PRX: variants seen among roughly 807,000 people sequenced by gnomAD.
PRX encodes periaxin.
Under a neutral mutation model 29.6 loss-of-function variants are expected in PRX, and 24 were observed. The ratio of observed to expected loss-of-function variants is 0.81; its 90% CI spans 0.59 to 1.14. The LOEUF is 1.14. PRX is among the 50% of genes most tolerant of loss of function. The pLI is 0.00. For synonymous variants in PRX, 772 were observed against 831.7 expected (o/e 0.93, Z 1.24); for missense variants, 1,838 against 1,926.4 (o/e 0.95, Z 0.86).
Position 40,395,841 on chromosome 19 carries a change from C to T in PRX, c.2511G>A (p.Leu837=). 1 of 1,614,216 alleles carries T rather than the reference C, an allele frequency of 6.2e-7. No homozygotes were observed. Among genetic ancestry groups the T allele is most frequent in the Non-Finnish European group, 8.5e-7 (1 of 1,180,042 alleles). ...VSGKLVTLPC[L]QPEVDGEAHV... ...GAGCCTCACCATCCACCTCTGGCTG[C>T]AGACAGGGAAGTGTTACCAGCTTCC... Residue 837 remains leucine, a synonymous_variant, in exon 7 of 7, where the codon CTG becomes CTA. Coordinates refer to ENST00000324001, the MANE Select transcript of PRX (RefSeq NM_181882.3).
chr19:40,394,013 C>T lies in PRX; in HGVS notation c.4339G>A (p.Ala1447Thr), dbSNP rs2145724477. 6.2e-7 allele frequency: 1 copy of T among 1,613,588 alleles called. No homozygotes were observed. The highest frequency in any genetic ancestry group is 2.2e-5 in the East Asian group (1 of 44,878). The change falls in exon 7 of 7, where the codon GCT (alanine) becomes ACT (threonine). Residue 1447 changes from alanine to threonine, a missense_variant. Transcript: ENST00000324001. The surrounding 1 kb of genome is among the most constrained non-coding windows in gnomAD (Gnocchi z 5.8). ...LPSVGFSETG[A>T]PGPARMEGAQ... Reference sequence around the variant, plus strand: ...CCCTCCATCCTGGCCGGGCCTGGAGCCCCTGTCTCTGAAAACCCCACGCTG... The same window carrying T: ...CCCTCCATCCTGGCCGGGCCTGGAGTCCCTGTCTCTGAAAACCCCACGCTG...
chr19:40,408,227 G>A lies in PRX; in HGVS notation c.-169C>T. 1 of 553,748 alleles carries A rather than the reference G, an allele frequency of 1.8e-6. No individual in the cohort carries two copies. The highest frequency in any genetic ancestry group is 4.9e-4 in the Middle Eastern group (1 of 2,046). 34.3% of individuals were successfully genotyped at this position (553,748 alleles called of 1,614,324 possible). A position where few individuals can be genotyped will look rare whatever the true frequency, so the allele number is the denominator to read the frequency against. On this transcript the variant is annotated 5_prime_UTR_variant, in exon 3 of 7. Coordinates refer to ENST00000324001, the MANE Select transcript of PRX (RefSeq NM_181882.3). ...GAGGTGCCGCACAGCTGTCTGCAGGGCTCACGCCCTTCCGTGGGGTTCTTG... is the reference window on the plus strand; with the variant it reads ...GAGGTGCCGCACAGCTGTCTGCAGGACTCACGCCCTTCCGTGGGGTTCTTG...
rs756887163 is a variant in PRX at position 40,394,200 on chromosome 19, C to T, written c.4152G>A (p.Ala1384=). The change falls in exon 7 of 7, where the codon GCG becomes GCA. Residue 1384 remains alanine (A), a synonymous_variant. Transcript: ENST00000324001. The surrounding 1 kb of genome is among the most constrained non-coding windows in gnomAD (Gnocchi z 5.8). ...VRVRLPRVGL[A]APSKASRGQE... ...GCCCCCGAGAGGCTTTAGAAGGGGC[C>T]GCCAGGCCTACACGTGGCAAGCGGA... 39 of 1,591,022 alleles carry T rather than the reference C, an allele frequency of 2.5e-5. No individual in the cohort carries two copies. Among genetic ancestry groups the T allele is most frequent in the Middle Eastern group, 3.4e-4 (2 of 5,964 alleles).
Position 40,395,444 on chromosome 19 carries a change from G to A in PRX, c.2908C>T (p.Arg970Trp), listed in dbSNP as rs369224308. The change falls in exon 7 of 7, where the codon CGG (arginine) becomes TGG (tryptophan). Residue 970 changes from arginine to tryptophan, a missense_variant. By Grantham distance (101) the Arg-to-Trp change is moderately radical. Coordinates refer to ENST00000324001, the MANE Select transcript of PRX (RefSeq NM_181882.3). ...TTGGCCTCAGCCTCAGCCCCCACCC[G>A]AGCCTTGGGGAGTGAGATGGCAAAT... is the stretch of plus-strand genomic sequence containing the variant. ...SKFAISLPKA[R>W]VGAEAEAKGA... The A allele has an allele frequency of 2.0e-5, 33 of 1,613,852 alleles. No homozygotes were observed. Among genetic ancestry groups the A allele is most frequent in the African/African-American group, 6.7e-5 (5 of 74,862 alleles).
intron 4 of PRX, chr19:40,407,697 CTT>C: frequency 1.4e-6 from 1 of 696,022 alleles, no homozygotes; most frequent in Non-Finnish European, 2.5e-6. Flanking sequence ...TGCCTTGAGT[CTT>C]AGCCTGTGCC....
intron 1 of PRX, 126 bp from the exon 2 acceptor site, chr19:40,408,509 G>T: frequency 6.1e-6 from 1 of 164,370 alleles, no homozygotes; most frequent in South Asian, 1.6e-4. Context: ...AGCCTCAGAA[G>T]ACCTTTACCC....
At position 40,394,533 on chromosome 19, in the gene PRX, G is replaced by A. The variant is rs1404361199; in HGVS notation, c.3819C>T (p.Cys1273=). The stretch of plus-strand genomic sequence containing the variant: ...AGAGCTCCACGTCGGGCAGTGAGAG[G>A]CAGAAGGTACGCTCGGCCCCTGGGG... The part of the protein sequence containing the change: ...EQPPGAERTF[C]LSLPDVELSP... Residue 1273 remains cysteine (C), a synonymous_variant, in exon 7 of 7, where the codon TGC becomes TGT. Coordinates refer to ENST00000324001, the MANE Select transcript of PRX (RefSeq NM_181882.3). This position sits in a 1 kb window ranked among gnomAD's most constrained non-coding sequence, Gnocchi z 5.8. The A allele has an allele frequency of 1.2e-6, 2 of 1,602,898 alleles. No homozygotes were observed. The highest frequency in any genetic ancestry group is 1.7e-6 in the Non-Finnish European group (2 of 1,175,484).
At chr19:40,400,814 C>A (rs756137571) in intron 5 of PRX, among the ~76,000 whole-genome samples, 1 of 152,092 alleles carries the variant, frequency 6.6e-6, no homozygotes, top group Non-Finnish European at 1.5e-5. Flanking sequence ...ATGCTCAAGT[C>A]ACCCCTTGGG....
chr19:40,401,418 C>A (rs569769741), intron 5 of PRX, among the ~76,000 whole-genome samples: 8 of 152,108 alleles, frequency 5.3e-5, no homozygotes, highest in Non-Finnish European at 8.8e-5. Flanking sequence ...TTGGCTTCCC[C>A]GAGTGCTGGG....
At chr19:40,409,793 C>A (rs961532272) in intron 1 of PRX, among the ~76,000 whole-genome samples, 1 of 152,146 alleles carries the variant, frequency 6.6e-6, no homozygotes, top group Admixed American at 6.5e-5. Context: ...TTACTAAGAA[C>A]TTCCTATGGC....
upstream of PRX, among the ~76,000 whole-genome samples, chr19:40,413,704 A>G (rs538683478): frequency 1.6e-4 from 24 of 152,134 alleles, no homozygotes; most frequent in South Asian, 2.1e-3. Flanking sequence ...AACTGCCTCT[A>G]CTGTAAACTC....
Position 40,394,464 on chromosome 19 carries a change from C to T in PRX, c.3888G>A (p.Gly1296=). Residue 1296 remains glycine (G), a synonymous_variant, in exon 7 of 7, where the codon GGG becomes GGA. Coordinates refer to ENST00000324001, the MANE Select transcript of PRX (RefSeq NM_181882.3). The surrounding 1 kb of genome is among the most constrained non-coding windows in gnomAD (Gnocchi z 5.8). ...TGAGCTTGTGTCCGGCCTCTCCCTC[C>T]CCCTCTGCCACCTGGTACTCGGCAT... ...GNHAEYQVAE[G]EGEAGHKLKV... The T allele has an allele frequency of 6.2e-7, 1 of 1,601,648 alleles. No individual in the cohort carries two copies. Among genetic ancestry groups the T allele is most frequent in the Non-Finnish European group, 8.5e-7 (1 of 1,174,444 alleles).
At chr19:40,404,011 G>C (rs1437939583) in intron 4 of PRX, 149 bp from the exon 5 acceptor site, 1 of 961,832 alleles carries the variant, frequency 1.0e-6, no homozygotes, top group African/African-American at 1.7e-5. Context: ...ACACTGCCCA[G>C]GCTGGTCTCG....
chr19:40,398,378 G>T lies in PRX; in HGVS notation c.381+242C>A. 1.4e-6 allele frequency: 2 copies of T among 1,442,662 alleles called. No individual in the cohort carries two copies. The highest frequency in any genetic ancestry group is 1.8e-6 in the Non-Finnish European group (2 of 1,103,866). 89.4% of individuals were successfully genotyped at this position (1,442,662 alleles called of 1,614,324 possible). On this transcript the variant is annotated intron_variant, in intron 6 of 6. Coordinates refer to ENST00000324001, the MANE Select transcript of PRX (RefSeq NM_181882.3). This position sits in a 1 kb window ranked among gnomAD's most constrained non-coding sequence, Gnocchi z 6.3. ...TAGCCTGGTTCAGGACCCCTAGCAA[G>T]CCTGGATCCGATGGTGGGGACGCCT...
Position 40,394,710 on chromosome 19 carries a change from G to A in PRX, c.3642C>T (p.Pro1214=). ...LLVGEGVFKM[P]TVTVPQLELD... ...GCTCAAGCTGGGGCACTGTCACGGT[G>A]GGCATCTTAAAGACACCCTCACCCA... Residue 1214 remains proline (P), a synonymous_variant, in exon 7 of 7, where the codon CCC becomes CCT. Coordinates refer to ENST00000324001, the MANE Select transcript of PRX (RefSeq NM_181882.3). This position sits in a 1 kb window ranked among gnomAD's most constrained non-coding sequence, Gnocchi z 5.8. 2 of 1,611,928 alleles carry A rather than the reference G, an allele frequency of 1.2e-6. No individual in the cohort carries two copies. Among genetic ancestry groups the A allele is most frequent in the Non-Finnish European group, 1.7e-6 (2 of 1,180,004 alleles).
chr19:40,410,872 A>G (rs1168885674), intron 1 of PRX, among the ~76,000 whole-genome samples: 2 of 152,214 alleles, frequency 1.3e-5, no homozygotes, highest in Non-Finnish European at 2.9e-5. Context: ...CTCCATCTCA[A>G]AAAAATAAAA....
At chr19:40,407,014 T>C (rs1465186742) in intron 4 of PRX, among the ~76,000 whole-genome samples, 1 of 151,994 alleles carries the variant, frequency 6.6e-6, no homozygotes, top group African/African-American at 2.4e-5. Flanking sequence ...CCTCAAGTGA[T>C]CCGCCCGCCT....
intron 4 of PRX, among the ~76,000 whole-genome samples, chr19:40,404,197 A>G (rs1251248710): frequency 1.3e-5 from 2 of 152,046 alleles, no homozygotes; most frequent in Non-Finnish European, 1.5e-5. Flanking sequence ...TCTCCCCTTT[A>G]AGCAAGCCTG....
chr19:40,411,195 G>A (rs2079556911), intron 1 of PRX, among the ~76,000 whole-genome samples: 1 of 152,178 alleles, frequency 6.6e-6, no homozygotes, highest in South Asian at 2.1e-4. Context: ...CTGCGCACTG[G>A]GGCAGGAGCT....
Sources: allele counts gnomAD v4.1 joint callset (sites outside exome capture counted in the v4.1 genomes callset), GRCh38; gene constraint gnomAD v4.1.1; non-coding constraint Gnocchi (gnomAD v3.1); transcripts MANE v1.5; gene names NCBI Gene and HGNC (gene_info 2026-07-23, HGNC 2026-07-21).